The following MRPS27 variants were observed in gnomAD, a reference collection of about 807,000 sequenced individuals.
MRPS27 encodes mitochondrial ribosomal protein S27, also known as small ribosomal subunit protein mS27.
MRPS27 carries 43 observed loss-of-function variants against 48.9 expected under a neutral mutation model. The observed-to-expected ratio is 0.88, with a 90% CI of 0.69 to 1.13. MRPS27 has a LOEUF of 1.13. Among genes scored for constraint, MRPS27 ranks in the 50% most tolerant of loss-of-function variants. MRPS27 has a pLI of 0.00. For synonymous variants in MRPS27, 188 were observed against 171.9 expected, an observed-to-expected ratio of 1.09 and a Z score of -0.73; for missense variants, 467 against 476.3, an observed-to-expected ratio of 0.98 and a Z score of 0.18.
chr5:72,245,377 T>C (rs1748485156), intron 4 of MRPS27, among the ~76,000 whole-genome samples: 1 of 152,146 alleles, frequency 6.6e-6, no homozygotes, highest in Admixed American at 6.5e-5. Flanking sequence ...AATATTTTGG[T>C]TTTTGAGTAG....
At chr5:72,270,593 C>A (rs1371367590) in intron 4 of MRPS27, among the ~76,000 whole-genome samples, 1 of 152,082 alleles carries the variant, frequency 6.6e-6, no homozygotes, top group East Asian at 1.9e-4. Flanking sequence ...TGCTATCAAG[C>A]ACCGAAGAAA....
At chr5:72,257,967 C>A (rs1159852023) in intron 4 of MRPS27, among the ~76,000 whole-genome samples, 1 of 151,722 alleles carries the variant, frequency 6.6e-6, no homozygotes, top group Non-Finnish European at 1.5e-5. Context: ...GCCTGTGATC[C>A]CAGCTACTCG....
chr5:72,248,669 TAAAAAAAAAAAAA>T (rs36063387), intron 4 of MRPS27, among the ~76,000 whole-genome samples: 1 of 70,294 alleles, frequency 1.4e-5, no homozygotes, highest in Non-Finnish European at 2.5e-5. Context: ...CATTTTCATT[TAAAAAAAAAAAAA>T]AAAAAAAAAA....
intron 4 of MRPS27, among the ~76,000 whole-genome samples, chr5:72,255,804 A>G (rs995079510): frequency 1.3e-5 from 2 of 152,170 alleles, no homozygotes; most frequent in Admixed American, 6.5e-5. Context: ...CTGACTCCAG[A>G]GCTCTTGACT....
chr5:72,238,507 T>C lies in MRPS27; in HGVS notation c.282-379A>G, dbSNP rs368753042. On this transcript the variant is annotated intron_variant, in intron 4 of 10. Coordinates refer to ENST00000261413, the MANE Select transcript of MRPS27 (RefSeq NM_015084.3). ...TGAAACTTTGGAAGTTTAAAACAAA[T>C]GAAGAAAATGAAAAATAGGATAGCA... 3.9e-5 allele frequency among the ~76,000 whole-genome samples: 6 copies of C among 152,178 alleles called. No individual in the cohort carries two copies. The East Asian group carries it at 1.2e-3, about 29-fold the overall frequency.
At position 72,226,135 on chromosome 5, in the gene MRPS27, TG is replaced by T; in HGVS notation, c.758del (p.Pro253GlnfsTer10). 1.2e-6 allele frequency: 2 copies of T among 1,613,860 alleles called. No individual in the cohort carries two copies. The highest frequency in any genetic ancestry group is 1.7e-6 in the Non-Finnish European group (2 of 1,179,840). On this transcript the variant is annotated frameshift_variant, in exon 9 of 11. Transcript: ENST00000261413. LOFTEE classifies it high-confidence loss of function. ...VYHNMPLIWK[P>X]GYLDRALQVM... ...CTTGAAGGGCTCTGTCAAGGTAGCC[TG>T]GTTTCCATATCAGAGGCATGTTGTG...
intron 4 of MRPS27, among the ~76,000 whole-genome samples, chr5:72,264,060 T>C (rs1749047372): frequency 1.3e-5 from 2 of 152,188 alleles, no homozygotes. Context: ...ATTATTCCAC[T>C]GTAAAAAGAA....
intron 8 of MRPS27, among the ~76,000 whole-genome samples, chr5:72,226,852 G>A (rs1747914363): frequency 6.6e-6 from 1 of 152,164 alleles, no homozygotes; most frequent in Non-Finnish European, 1.5e-5. Flanking sequence ...GTGGATGCTA[G>A]ACAGCAGGGT....
At chr5:72,234,264 C>G (rs1748144186) in intron 5 of MRPS27, 67 bp from the exon 6 acceptor site, 1 of 1,228,980 alleles carries the variant, frequency 8.1e-7, no homozygotes, top group Non-Finnish European at 1.1e-6. Context: ...TAATATATGC[C>G]TATGTATTAT....
At chr5:72,239,596 C>CA (rs1221236835) in intron 4 of MRPS27, among the ~76,000 whole-genome samples, 1 of 152,170 alleles carries the variant, frequency 6.6e-6, no homozygotes, top group Non-Finnish European at 1.5e-5. Flanking sequence ...CCTAGATACT[C>CA]AATCTTATAA....
chr5:72,267,844 A>G (rs1749141182), intron 4 of MRPS27, among the ~76,000 whole-genome samples: 1 of 152,192 alleles, frequency 6.6e-6, no homozygotes, highest in Admixed American at 6.5e-5. Context: ...AGAAAAAAAA[A>G]AAGTATGCTC....
chr5:72,249,280 T>G (rs1404122869), intron 4 of MRPS27, among the ~76,000 whole-genome samples: 2 of 152,226 alleles, frequency 1.3e-5, no homozygotes. Flanking sequence ...TCTTCTGCAT[T>G]TGATCATTTA....
chr5:72,265,798 T>A (rs1196033144), intron 4 of MRPS27, among the ~76,000 whole-genome samples: 5 of 152,184 alleles, frequency 3.3e-5, no homozygotes, highest in Non-Finnish European at 7.3e-5. Context: ...ACACAAGGAA[T>A]GTTGACTGTC....
intron 1 of MRPS27, among the ~76,000 whole-genome samples, chr5:72,316,672 T>C (rs963746834): frequency 2.0e-5 from 3 of 150,896 alleles, no homozygotes; most frequent in Admixed American, 6.6e-5. Context: ...CTGGCCTGAA[T>C]TGTGTATTTT....
chr5:72,289,860 T>G (rs140627016), intron 4 of MRPS27, among the ~76,000 whole-genome samples: 1 of 152,200 alleles, frequency 6.6e-6, no homozygotes, highest in East Asian at 1.9e-4. Context: ...AGGAGCAAGT[T>G]TAATTTCATA....
At chr5:72,288,080 T>C (rs1242808788) in intron 4 of MRPS27, among the ~76,000 whole-genome samples, 5 of 152,204 alleles carry the variant, frequency 3.3e-5, no homozygotes, top group Admixed American at 3.3e-4. Flanking sequence ...CTGGGAAAGC[T>C]AGGTGGAATG....
At chr5:72,297,058 A>G (rs1486324691) in intron 3 of MRPS27, among the ~76,000 whole-genome samples, 1 of 152,220 alleles carries the variant, frequency 6.6e-6, no homozygotes, top group Non-Finnish European at 1.5e-5. Context: ...AACTTGGGAA[A>G]GTTATTAAAC....
chr5:72,235,127 C>T (rs1017397947), intron 5 of MRPS27, among the ~76,000 whole-genome samples: 5 of 151,930 alleles, frequency 3.3e-5, no homozygotes, highest in African/African-American at 1.2e-4. Context: ...TCAGGTGTGC[C>T]GAAATGGAAA....
chr5:72,271,863 A>T (rs1327658850), intron 4 of MRPS27, among the ~76,000 whole-genome samples: 3 of 152,222 alleles, frequency 2.0e-5, no homozygotes, highest in Admixed American at 1.3e-4. Context: ...CCATCTGCTG[A>T]TATCCAGCAT....
Sources: gnomAD v4.1 joint callset for allele counts (sites outside exome capture counted in the v4.1 genomes callset) on GRCh38, gnomAD v4.1.1 for gene constraint, MANE v1.5 for transcripts, NCBI Gene and HGNC (gene_info 2026-07-23, HGNC 2026-07-21) for gene names.